Variants in HFM1 observed in about 807,000 individuals in gnomAD.
The protein encoded by HFM1 is probable ATP-dependent DNA helicase HFM1.
A neutral mutation model predicts 192.1 loss-of-function variants in HFM1; 169 were observed. The ratio of observed to expected loss-of-function variants is 0.88; its 90% CI spans 0.78 to 1.00. The LOEUF (loss-of-function observed/expected upper bound fraction) is 1.00. Among genes scored for constraint, HFM1 ranks in the 50% least tolerant of loss-of-function variants. The probability of loss-of-function intolerance (pLI) is 0.00; values close to 1 mark genes in which losing one functional copy is unlikely to be tolerated. For missense variants in HFM1, 1,661 were observed against 1,668.0 expected, an observed-to-expected ratio of 1.00 and a Z score of 0.07; for synonymous variants, 525 against 537.8, an observed-to-expected ratio of 0.98 and a Z score of 0.33.
chr1:91,396,386 A>G lies in HFM1; in HGVS notation c.91T>C (p.Ser31Pro). The G allele has an allele frequency of 6.3e-7, 1 of 1,590,962 alleles. No homozygotes were observed. Among genetic ancestry groups the G allele is most frequent in the Non-Finnish European group, 8.6e-7 (1 of 1,163,458 alleles). ...GCAGGAGGGAGAAACCAATCCAATG[A>G]CTTTTCATTGTCTGGATGGCTATAT... ...EVENHPDNEK[S>P]LDWFLPPAPL... The change falls in exon 3 of 39, where the codon TCA becomes CCA. Residue 31 changes from serine to proline, a missense_variant. Transcript: ENST00000370425.
intron 13 of HFM1, among the ~76,000 whole-genome samples, chr1:91,370,710 T>C (rs975192017): frequency 6.6e-6 from 1 of 152,130 alleles, no homozygotes; most frequent in African/African-American, 2.4e-5. Context: ...TCACCACTCC[T>C]ATTCAACATA....
At chr1:91,343,332 A>C in intron 20 of HFM1, 98 bp downstream of exon 20, 1 of 611,748 alleles carries the variant, frequency 1.6e-6, no homozygotes. Flanking sequence ...CTGAGATCAC[A>C]ATTTAGTTTT....
At position 91,353,137 on chromosome 1, in the gene HFM1, C is replaced by A. The variant is rs749600291; in HGVS notation, c.1745G>T (p.Gly582Val). The change falls in exon 15 of 39, where the codon GGT becomes GTT. Residue 582 changes from glycine to valine, a missense_variant. Gly to Val is a moderately radical substitution (Grantham distance 109, BLOSUM62 -3). Coordinates refer to ENST00000370425, the MANE Select transcript of HFM1 (RefSeq NM_001017975.6). ...DSKLRDILKD[G>V]AAYHHAGMEL... is the part of the protein sequence containing the mutation. ...CATACCAGCATGATGATAAGCAGCA[C>A]CATCTTTTAAGATATCTGTAATAGA... 29 of 1,609,382 alleles carry A rather than the reference C, an allele frequency of 1.8e-5. No homozygotes were observed. The highest frequency in any genetic ancestry group is 2.4e-5 in the Non-Finnish European group (28 of 1,176,576).
rs553025229 is a variant in HFM1 at position 91,290,567 on chromosome 1, T to C, written c.3392-13505A>G. Among the ~76,000 whole-genome samples the C allele has an allele frequency of 2.0e-5, 3 of 152,218 alleles. No homozygotes were observed. The East Asian group carries it at 5.8e-4, about 29-fold the overall frequency. ...TTCATAAAGCAAGTCCTGAGTGACC[T>C]ACAAAGAGACTTAGACTCCCACACA... On this transcript the variant is annotated intron_variant, in intron 30 of 38. Coordinates refer to ENST00000370425, the MANE Select transcript of HFM1 (RefSeq NM_001017975.6).
intron 30 of HFM1, among the ~76,000 whole-genome samples, chr1:91,279,357 T>C (rs1667256746): frequency 6.6e-6 from 1 of 152,194 alleles, no homozygotes; most frequent in Non-Finnish European, 1.5e-5. Context: ...GTTTCAGGTG[T>C]TTTGTCCCAA....
In HFM1 at chr1:91,350,265, C is replaced by T. The variant is rs897507919; in HGVS notation, c.2206+473G>A. ...AAGTTGAATGAATGAGTGAAAAAAC[C>T]CTCTGGAAGCCACATAACCAGATGT... On this transcript the variant is annotated intron_variant, in intron 18 of 38. Transcript: ENST00000370425. Among the ~76,000 whole-genome samples, 36 of 151,898 alleles carry T rather than the reference C, an allele frequency of 2.4e-4. 1 individual carries two copies. The highest frequency in any genetic ancestry group is 8.7e-4 in the African/African-American group (36 of 41,336).
intron 19 of HFM1, among the ~76,000 whole-genome samples, chr1:91,345,347 A>C (rs964117369): frequency 1.3e-5 from 2 of 152,174 alleles, no homozygotes; most frequent in Admixed American, 1.3e-4. Flanking sequence ...AATAGCAAGA[A>C]GGCCAATTTG....
intron 30 of HFM1, among the ~76,000 whole-genome samples, chr1:91,310,695 T>G (rs894847795): frequency 4.6e-5 from 7 of 152,204 alleles, no homozygotes; most frequent in African/African-American, 1.7e-4. Context: ...AGTGAATAAG[T>G]CTCAAGAGAT....
intron 34 of HFM1, among the ~76,000 whole-genome samples, chr1:91,269,632 A>C (rs1666085465): frequency 6.6e-6 from 1 of 152,198 alleles, no homozygotes; most frequent in Non-Finnish European, 1.5e-5. Context: ...GTTTGTACAG[A>C]GTGCAATGGG....
rs1332827024 is a variant in HFM1 at position 91,353,127 on chromosome 1, A to G, written c.1755T>C (p.Tyr585=). ...CTGACAGCTCCATACCAGCATGATG[A>G]TAAGCAGCACCATCTTTTAAGATAT... The part of the protein sequence containing the change: ...LRDILKDGAA[Y]HHAGMELSDR... Residue 585 remains tyrosine, a synonymous_variant, in exon 15 of 39, where the codon TAT becomes TAC. Coordinates refer to ENST00000370425, the MANE Select transcript of HFM1 (RefSeq NM_001017975.6). 1.2e-6 allele frequency: 2 copies of G among 1,610,644 alleles called. No homozygotes were observed. The highest frequency in any genetic ancestry group is 2.2e-5 in the East Asian group (1 of 44,722).
chr1:91,332,740 A>C (rs1466108288), intron 20 of HFM1, among the ~76,000 whole-genome samples: 1 of 152,206 alleles, frequency 6.6e-6, no homozygotes, highest in Non-Finnish European at 1.5e-5. Flanking sequence ...AAGGAGCTCA[A>C]ACAACTCTAC....
rs752276382 is a variant in HFM1, at chr1:91,350,872, C to T, written c.2073-1G>A. 10 of 1,563,900 alleles carry T rather than the reference C, an allele frequency of 6.4e-6. No individual in the cohort carries two copies. In the East Asian group the frequency reaches 1.8e-4, roughly 29 times the overall value. ...ATGTTCAATAAGATGTCTGTGCAAA[C>T]TAATGAAAAAAAACTTTGCATTATG... On this transcript the variant is annotated splice_acceptor_variant, in intron 17 of 38. Transcript: ENST00000370425. LOFTEE classifies it high-confidence loss of function.
intron 36 of HFM1, 71 bp downstream of exon 36, chr1:91,265,946 T>C (rs937590569): frequency 1.3e-6 from 2 of 1,554,986 alleles, no homozygotes; most frequent in African/African-American, 1.4e-5. Flanking sequence ...AATAACTTGA[T>C]CCCCATCTCC....
chr1:91,289,620 G>A (rs192696367), intron 30 of HFM1, among the ~76,000 whole-genome samples: 1 of 152,286 alleles, frequency 6.6e-6, no homozygotes, highest in Admixed American at 6.5e-5. Flanking sequence ...GGCACCTTGG[G>A]AGGCTGAGGC....
intron 30 of HFM1, among the ~76,000 whole-genome samples, chr1:91,311,847 G>A (rs1344162097): frequency 6.6e-6 from 1 of 152,156 alleles, no homozygotes; most frequent in African/African-American, 2.4e-5. Flanking sequence ...AGGAAAAAGT[G>A]CTTTCATGGG....
chr1:91,350,168 A>C (rs973214490), intron 18 of HFM1, among the ~76,000 whole-genome samples: 6 of 152,122 alleles, frequency 3.9e-5, no homozygotes, highest in Non-Finnish European at 7.4e-5. Flanking sequence ...TGAGATCTGA[A>C]AGTTTTGAAC....
chr1:91,339,080 C>A (rs941377746), intron 20 of HFM1: 2 of 453,518 alleles, frequency 4.4e-6, no homozygotes, highest in African/African-American at 4.0e-5. Context: ...CAGTAAATCT[C>A]AATGACATCA....
chr1:91,380,017 A>G (rs1661366237), intron 8 of HFM1, 87 bp downstream of exon 8: 3 of 572,556 alleles, frequency 5.2e-6, no homozygotes, highest in Admixed American at 3.4e-5. Flanking sequence ...GTAATTCCTG[A>G]GGCCAGAAAC....
At chr1:91,390,451 G>GAGAA (rs1271307600) in intron 4 of HFM1, among the ~76,000 whole-genome samples, 1 of 148,632 alleles carries the variant, frequency 6.7e-6, no homozygotes, top group African/African-American at 2.5e-5. Flanking sequence ...AAAAAAAAGA[G>GAGAA]AGAAAGAAAG....
Sources: allele counts gnomAD v4.1 joint callset (sites outside exome capture counted in the v4.1 genomes callset), GRCh38; gene constraint gnomAD v4.1.1; transcripts MANE v1.5; gene names NCBI Gene and HGNC (gene_info 2026-07-23, HGNC 2026-07-21).